Variants in LTBP1 observed in about 807,000 individuals in gnomAD.
LTBP1 encodes latent transforming growth factor beta binding protein 1.
In LTBP1, 129 loss-of-function variants were observed where a neutral mutation model predicts 207.6. The observed-to-expected ratio is 0.62, with a 90% CI of 0.54 to 0.72. The LOEUF (loss-of-function observed/expected upper bound fraction) is 0.72, where lower values mean the gene tolerates loss of function less well. Ranked by LOEUF, LTBP1 falls within the 30% of genes least tolerant of loss-of-function variation. The pLI, the probability that LTBP1 is intolerant of heterozygous loss-of-function variation, is 0.00. For synonymous variants in LTBP1, 963 were observed against 833.7 expected, an observed-to-expected ratio of 1.16 and a Z score of -2.67; for missense variants, 2,281 against 2,217.2, an observed-to-expected ratio of 1.03 and a Z score of -0.58.
intron 8 of LTBP1, among the ~76,000 whole-genome samples, chr2:33,220,671 C>T (rs953819084): frequency 6.6e-6 from 1 of 152,236 alleles, no homozygotes. Context: ...TCATATCCAT[C>T]TCTTTTGACT....
At chr2:32,985,612 C>T (rs561237064) in intron 2 of LTBP1, among the ~76,000 whole-genome samples, 16 of 152,320 alleles carry the variant, frequency 1.1e-4, no homozygotes, top group African/African-American at 3.8e-4. Context: ...ATGCAGTCAT[C>T]TGTGTTTACA....
chr2:33,279,923 T>A (rs943357312), intron 18 of LTBP1, 116 bp from the exon 19 acceptor site: 1 of 1,093,806 alleles, frequency 9.1e-7, no homozygotes, highest in African/African-American at 1.6e-5. Context: ...CCAATTATTG[T>A]TTTTCCCACT....
At chr2:33,040,755 A>G (rs1172853728) in intron 3 of LTBP1, among the ~76,000 whole-genome samples, 1 of 152,224 alleles carries the variant, frequency 6.6e-6, no homozygotes, top group Non-Finnish European at 1.5e-5. Context: ...CAGCACAGGC[A>G]TAGAGCAGTT....
At chr2:33,373,669 T>G (rs2095099970) in intron 31 of LTBP1, among the ~76,000 whole-genome samples, 2 of 152,170 alleles carry the variant, frequency 1.3e-5, no homozygotes, top group African/African-American at 4.8e-5. Context: ...AAGTAAATGA[T>G]CTGAAATGAA....
chr2:33,379,200 T>C (rs1201953722), intron 31 of LTBP1, among the ~76,000 whole-genome samples: 1 of 126,172 alleles, frequency 7.9e-6, no homozygotes, highest in Admixed American at 7.7e-5. Flanking sequence ...CCATTGCTTT[T>C]TTTTTTTTTT....
rs72867823 is a variant in LTBP1, at chr2:32,978,040, T to G, written c.565+29095T>G. On this transcript the variant is annotated intron_variant, in intron 2 of 33. Coordinates refer to ENST00000404816, the MANE Select transcript of LTBP1 (RefSeq NM_206943.4). ...GTTCACTATTAGCATATAGAAATGT[T>G]ACTGATTTCCATATGTTGATTTTTA... Among the ~76,000 whole-genome samples, 575 of 152,370 alleles carry G rather than the reference T, an allele frequency of 3.8e-3. 3 individuals are homozygous for G. Among genetic ancestry groups the G allele is most frequent in the African/African-American group, 0.013 (556 of 41,590 alleles).
At chr2:33,106,447 A>T (rs1449366735) in intron 3 of LTBP1, among the ~76,000 whole-genome samples, 2 of 152,196 alleles carry the variant, frequency 1.3e-5, no homozygotes, top group Non-Finnish European at 2.9e-5. Context: ...CATTTCTTAG[A>T]TAGGAAGACT....
At chr2:33,269,338 A>G (rs1186173125) in intron 15 of LTBP1, among the ~76,000 whole-genome samples, 1 of 152,114 alleles carries the variant, frequency 6.6e-6, no homozygotes, top group African/African-American at 2.4e-5. Context: ...TCCATATTCT[A>G]GATGGACTCC....
intron 19 of LTBP1, among the ~76,000 whole-genome samples, chr2:33,285,509 C>T (rs1451448471): frequency 1.4e-5 from 2 of 141,290 alleles, no homozygotes; most frequent in Non-Finnish European, 3.0e-5. Flanking sequence ...AGTGCAATGG[C>T]GCGATCTCGG....
intron 10 of LTBP1, among the ~76,000 whole-genome samples, chr2:33,249,739 T>A (rs1231593430): frequency 6.6e-6 from 1 of 152,226 alleles, no homozygotes; most frequent in Non-Finnish European, 1.5e-5. Flanking sequence ...AGTATCAGAA[T>A]CTTTTTGCCG....
intron 15 of LTBP1, among the ~76,000 whole-genome samples, chr2:33,263,594 G>T (rs375334703): frequency 8.5e-5 from 13 of 152,282 alleles, no homozygotes; most frequent in East Asian, 7.7e-4. Flanking sequence ...ATATCACATA[G>T]TATTAAAATA....
chr2:33,226,847 G>T (rs1016604323), intron 9 of LTBP1, among the ~76,000 whole-genome samples: 1 of 152,114 alleles, frequency 6.6e-6, no homozygotes, highest in South Asian at 2.1e-4. Flanking sequence ...GATTAGCAGG[G>T]TCATGATTAG....
chr2:33,277,132 T>C (rs1017682418), intron 18 of LTBP1, among the ~76,000 whole-genome samples: 1 of 152,160 alleles, frequency 6.6e-6, no homozygotes, highest in Admixed American at 6.5e-5. Flanking sequence ...GTTGGTTTTC[T>C]TCACTGCTCT....
rs147454469 is a variant in LTBP1 at position 33,134,785 on chromosome 2, G to T, written c.1034-8G>T. 1,541 of 1,613,674 alleles carry T rather than the reference G, an allele frequency of 9.5e-4. 3 individuals carry two copies. The highest frequency in any genetic ancestry group is 1.0e-3 in the Non-Finnish European group (1,184 of 1,179,986). On this transcript the variant is annotated splice_region_variant and splice_polypyrimidine_tract_variant and intron_variant, in intron 4 of 33. Transcript: ENST00000404816. This position sits in a 1 kb window ranked among gnomAD's most constrained non-coding sequence, Gnocchi z 4.4. ...TGTTGTTCTTTTTCTCCCTGCCTCC[G>T]CTCCTAGTGAGTAACCACACTGGCC...
rs367968869 is a variant in LTBP1 at position 33,366,890 on chromosome 2, CTT to C, written c.4711+1392_4711+1393del. ...CTCACAATGCTATACTACCTCAAATCTTTTTTATTTATGCAGTGGTTTTATAT... is the reference window on the plus strand; with the variant it reads ...CTCACAATGCTATACTACCTCAAATCTTTTATTTATGCAGTGGTTTTATAT... On this transcript the variant is annotated intron_variant, in intron 31 of 33. Transcript: ENST00000404816. 4.1e-4 allele frequency among the ~76,000 whole-genome samples: 62 copies of C among 152,220 alleles called. No individual in the cohort carries two copies. In the South Asian group the frequency reaches 0.012, roughly 29 times the overall value.
chr2:33,393,606 A>G (rs1003114751), intron 32 of LTBP1, among the ~76,000 whole-genome samples: 2 of 152,068 alleles, frequency 1.3e-5, no homozygotes, highest in Non-Finnish European at 2.9e-5. Context: ...CCATGTCCCT[A>G]CAAAGGACAT....
chr2:33,315,795 G>A (rs2094261988), intron 24 of LTBP1, among the ~76,000 whole-genome samples: 1 of 152,300 alleles, frequency 6.6e-6, no homozygotes, highest in Admixed American at 6.5e-5. Context: ...AAATTAGCCA[G>A]GTGTGGTGGT....
intron 5 of LTBP1, among the ~76,000 whole-genome samples, chr2:33,180,163 G>C (rs2086472736): frequency 6.6e-6 from 1 of 152,108 alleles, no homozygotes; most frequent in African/African-American, 2.4e-5. Context: ...CCCTAACTCT[G>C]GTTTTTTGAT....
At chr2:33,022,912 C>G (rs918201113) in intron 3 of LTBP1, among the ~76,000 whole-genome samples, 1 of 152,040 alleles carries the variant, frequency 6.6e-6, no homozygotes, top group South Asian at 2.1e-4. Context: ...ATTTTTTTCT[C>G]AACCATTAAA....
Sources: gnomAD v4.1 joint callset for allele counts (sites outside exome capture counted in the v4.1 genomes callset) on GRCh38, gnomAD v4.1.1 for gene constraint, Gnocchi (gnomAD v3.1) non-coding constraint, MANE v1.5 for transcripts, NCBI Gene and HGNC (gene_info 2026-07-23, HGNC 2026-07-21) for gene names.